NPAS3: variants seen among roughly 807,000 people sequenced by gnomAD.
NPAS3 encodes neuronal PAS domain-containing protein 3.
Under a neutral mutation model 73.1 loss-of-function variants are expected in NPAS3, and 14 were observed. The ratio of observed to expected loss-of-function variants is 0.19; its 90% CI spans 0.13 to 0.30. The LOEUF is 0.30. NPAS3 is among the 10% of genes least tolerant of loss of function. The probability of loss-of-function intolerance (pLI) is 1.00; values close to 1 mark genes in which losing one functional copy is unlikely to be tolerated. For synonymous variants in NPAS3, 620 were observed against 541.5 expected (o/e 1.14, Z -2.01); for missense variants, 1,096 against 1,250.0 (o/e 0.88, Z 1.86).
chr14:33,762,126 A>G (rs1237059043), intron 7 of NPAS3, among the ~76,000 whole-genome samples: 1 of 152,226 alleles, frequency 6.6e-6, no homozygotes, highest in African/African-American at 2.4e-5. Context: ...ATTCTCCCGA[A>G]TTGATAATTC....
At chr14:33,665,336 C>T (rs558787760) in intron 5 of NPAS3, among the ~76,000 whole-genome samples, 2 of 152,192 alleles carry the variant, frequency 1.3e-5, no homozygotes, top group Non-Finnish European at 2.9e-5. Context: ...AGGAGAAATA[C>T]TTAATGTAGA....
chr14:33,468,713 G>A (rs1035037282), intron 4 of NPAS3, among the ~76,000 whole-genome samples: 6 of 152,062 alleles, frequency 3.9e-5, no homozygotes, highest in Non-Finnish European at 7.4e-5. Flanking sequence ...AGTGGTCATC[G>A]TTCATTTTTT....
chr14:33,402,726 C>T (rs1196056675), intron 4 of NPAS3, among the ~76,000 whole-genome samples: 4 of 152,162 alleles, frequency 2.6e-5, no homozygotes, highest in East Asian at 1.9e-4. Context: ...TATTTTTATT[C>T]AGGTATGCTT....
At chr14:33,676,880 CAG>C (rs933777061) in intron 6 of NPAS3, among the ~76,000 whole-genome samples, 6 of 152,010 alleles carry the variant, frequency 3.9e-5, no homozygotes, top group African/African-American at 4.8e-5. Flanking sequence ...AAAAAGAAAA[CAG>C]AAATGGCTAC....
At position 33,758,027 on chromosome 14, in the gene NPAS3, C is replaced by T. The variant is rs769034132; in HGVS notation, c.853-16310C>T. 3.9e-5 allele frequency among the ~76,000 whole-genome samples: 6 copies of T among 152,148 alleles called. 1 individual carries two copies. Among genetic ancestry groups the T allele is most frequent in the South Asian group, 4.1e-4 (2 of 4,836 alleles). On this transcript the variant is annotated intron_variant, in intron 7 of 11. Transcript: ENST00000356141. ...ATTAAACATTGAATGAATGAATGAA[C>T]GAATGAATGTTGTCACACTCCTAAA...
chr14:33,532,921 A>G (rs73267089), intron 4 of NPAS3, among the ~76,000 whole-genome samples: 99 of 152,224 alleles, frequency 6.5e-4, no homozygotes, highest in African/African-American at 2.3e-3. Context: ...TGAGCTTTCA[A>G]AAATGATACT....
At chr14:33,685,069 A>G (rs148781797) in intron 6 of NPAS3, among the ~76,000 whole-genome samples, 148 of 152,310 alleles carry the variant, frequency 9.7e-4, no homozygotes, top group Non-Finnish European at 1.7e-3. Flanking sequence ...ATTCAGACCC[A>G]CTTGCTAACG....
intron 4 of NPAS3, among the ~76,000 whole-genome samples, chr14:33,439,542 T>C (rs1196636313): frequency 6.6e-6 from 1 of 152,224 alleles, no homozygotes; most frequent in Non-Finnish European, 1.5e-5. Flanking sequence ...AATCAATGAA[T>C]CTTGAGGAAG....
intron 4 of NPAS3, among the ~76,000 whole-genome samples, chr14:33,547,987 A>G (rs1423773841): frequency 6.6e-6 from 1 of 152,248 alleles, no homozygotes; most frequent in Non-Finnish European, 1.5e-5. Flanking sequence ...GATAACTACT[A>G]CTGTAGTAAT....
At chr14:33,594,981 A>G (rs2057192310) in intron 5 of NPAS3, among the ~76,000 whole-genome samples, 1 of 152,198 alleles carries the variant, frequency 6.6e-6, no homozygotes, top group African/African-American at 2.4e-5. Context: ...GCACAGGTGA[A>G]GTTCTAAAGG....
chr14:33,548,812 C>T (rs1342842547), intron 4 of NPAS3, among the ~76,000 whole-genome samples: 3 of 152,140 alleles, frequency 2.0e-5, no homozygotes, highest in Admixed American at 6.5e-5. Flanking sequence ...GCTGAGATGC[C>T]AGCTACTGAC....
At chr14:33,006,247 A>G (rs2038999761) in intron 1 of NPAS3, among the ~76,000 whole-genome samples, 12 of 152,186 alleles carry the variant, frequency 7.9e-5, no homozygotes, top group Admixed American at 7.9e-4. Flanking sequence ...CTGGGCCTAG[A>G]GAGAGTGATC....
intron 2 of NPAS3, among the ~76,000 whole-genome samples, chr14:33,196,247 G>A (rs2046346252): frequency 6.6e-6 from 1 of 152,144 alleles, no homozygotes; most frequent in Non-Finnish European, 1.5e-5. Context: ...CAGATGACCT[G>A]TCTTTCAATT....
intron 3 of NPAS3, among the ~76,000 whole-genome samples, chr14:33,327,864 A>C (rs1033539910): frequency 6.6e-6 from 1 of 152,222 alleles, no homozygotes; most frequent in Non-Finnish European, 1.5e-5. Context: ...TAATCAGTGC[A>C]TTTCAAAAAG....
intron 1 of NPAS3, among the ~76,000 whole-genome samples, chr14:33,025,050 A>G (rs2039753135): frequency 6.6e-6 from 1 of 152,250 alleles, no homozygotes; most frequent in Non-Finnish European, 1.5e-5. Context: ...CAAGTCCTCT[A>G]ATAAAAGTAA....
chr14:33,230,635 G>A (rs1346294941), intron 3 of NPAS3, among the ~76,000 whole-genome samples: 3 of 152,102 alleles, frequency 2.0e-5, no homozygotes, highest in East Asian at 1.9e-4. Flanking sequence ...AGGGTGACAC[G>A]GAGCAGAGAA....
intron 4 of NPAS3, among the ~76,000 whole-genome samples, chr14:33,529,987 C>T (rs918237578): frequency 5.3e-5 from 8 of 152,170 alleles, no homozygotes; most frequent in Non-Finnish European, 8.8e-5. Context: ...CTGTCCCATT[C>T]GGTGAACAGG....
At chr14:32,957,225 A>G (rs1168014188) in intron 1 of NPAS3, among the ~76,000 whole-genome samples, 1 of 152,206 alleles carries the variant, frequency 6.6e-6, no homozygotes, top group Non-Finnish European at 1.5e-5. Flanking sequence ...TAAAAATAAG[A>G]TTTTAATAAT....
chr14:33,722,295 G>A (rs1377848878), intron 6 of NPAS3, among the ~76,000 whole-genome samples: 1 of 152,034 alleles, frequency 6.6e-6, no homozygotes, highest in Non-Finnish European at 1.5e-5. Flanking sequence ...TTGAGAAAAC[G>A]CTGCTTCAAC....
Sources: allele counts gnomAD v4.1 joint callset (sites outside exome capture counted in the v4.1 genomes callset), GRCh38; gene constraint gnomAD v4.1.1; transcripts MANE v1.5; gene names NCBI Gene and HGNC (gene_info 2026-07-23, HGNC 2026-07-21).